The following LRP1B variants were observed in gnomAD, a reference collection of about 807,000 sequenced individuals.
The protein encoded by LRP1B is low-density lipoprotein receptor-related protein 1B.
A neutral mutation model predicts 556.6 loss-of-function variants in LRP1B; 217 were observed. That is an observed-to-expected ratio of 0.39 (90% CI 0.35 to 0.44). The LOEUF is 0.44. Ranked by LOEUF, LRP1B falls within the 20% of genes least tolerant of loss-of-function variation. LRP1B has a pLI of 1.00. For missense variants in LRP1B, 5,053 were observed against 5,620.8 expected, an observed-to-expected ratio of 0.90 and a Z score of 3.23; for synonymous variants, 2,047 against 1,865.8, an observed-to-expected ratio of 1.10 and a Z score of -2.50.
rs755371701 is a variant in LRP1B at position 141,049,144 on chromosome 2, A to T, written c.1631T>A (p.Ile544Lys). Reference sequence around the variant, plus strand: ...TATGGGGATCATGTATTCATCAGCTATCTTGGTATTCAAGTCCATTCCTCT... The same window carrying T: ...TATGGGGATCATGTATTCATCAGCTTTCTTGGTATTCAAGTCCATTCCTCT... ...IVRGMDLNTKIADEYMIPIEN... is the reference protein window; with the variant it reads ...IVRGMDLNTKKADEYMIPIEN... The change falls in exon 11 of 91, where the codon ATA (isoleucine) becomes AAA (lysine). Residue 544 changes from isoleucine (I) to lysine (K), a missense_variant. Ile to Lys is a moderately radical substitution (Grantham distance 102). Coordinates refer to ENST00000389484, the MANE Select transcript of LRP1B (RefSeq NM_018557.3). 1.2e-6 allele frequency: 2 copies of T among 1,613,502 alleles called. No individual in the cohort carries two copies. Among genetic ancestry groups the T allele is most frequent in the Non-Finnish European group, 1.7e-6 (2 of 1,179,736 alleles).
chr2:141,579,472 C>A (rs1281542284), intron 2 of LRP1B, among the ~76,000 whole-genome samples: 2 of 152,066 alleles, frequency 1.3e-5, no homozygotes, highest in Non-Finnish European at 2.9e-5. Flanking sequence ...CGGGGAGTGT[C>A]AAGATATTCC....
At chr2:141,915,769 A>C (rs567995744) in intron 1 of LRP1B, among the ~76,000 whole-genome samples, 2 of 152,324 alleles carry the variant, frequency 1.3e-5, no homozygotes, top group African/African-American at 4.8e-5. Context: ...AAAAGTGGGC[A>C]CAAGACATCA....
Position 140,598,717 on chromosome 2 carries a change from T to C in LRP1B, c.7108A>G (p.Ile2370Val), listed in dbSNP as rs906236954. Reference protein sequence around the residue: ...TDILTPNGLTIDYRAEKLYFS... With the variant: ...TDILTPNGLTVDYRAEKLYFS... ...TACAGCTTCTCTGCACGGTAGTCGA[T>C]AGTAAGTCCATTTGGAGTGAGTATG... is the stretch of plus-strand genomic sequence containing the variant. The change falls in exon 43 of 91, where the codon ATC becomes GTC. Residue 2370 changes from isoleucine (I) to valine (V), a missense_variant. Coordinates refer to ENST00000389484, the MANE Select transcript of LRP1B (RefSeq NM_018557.3). 1.9e-6 allele frequency: 3 copies of C among 1,613,716 alleles called. No individual in the cohort carries two copies. The highest frequency in any genetic ancestry group is 1.3e-5 in the African/African-American group (1 of 74,910).
intron 3 of LRP1B, among the ~76,000 whole-genome samples, chr2:141,347,918 T>A (rs1007417020): frequency 3.9e-5 from 6 of 152,070 alleles, no homozygotes; most frequent in Non-Finnish European, 7.4e-5. Context: ...GGAAATAATA[T>A]TTAAAATATG....
At chr2:141,098,597 T>G (rs536193548) in intron 7 of LRP1B, among the ~76,000 whole-genome samples, 3 of 152,336 alleles carry the variant, frequency 2.0e-5, no homozygotes, top group East Asian at 3.9e-4. Context: ...AGTTCAGTGG[T>G]CTATGATGAT....
rs184182583 is a variant in LRP1B, at chr2:141,616,071, C to A, written c.206-135538G>T. Among the ~76,000 whole-genome samples the A allele has an allele frequency of 7.9e-5, 12 of 152,204 alleles. No homozygotes were observed. In the East Asian group the frequency reaches 2.1e-3, roughly 27 times the overall value. On this transcript the variant is annotated intron_variant, in intron 2 of 90. Coordinates refer to ENST00000389484, the MANE Select transcript of LRP1B (RefSeq NM_018557.3). ...GGCCGAGATGGGCGGACCACGAGGT[C>A]AGGAGTTTGAGACCATCCTGGCCAA...
At chr2:141,047,047 A>ACTCCAGCCTGGGCGACAGAG (rs1553451699) in intron 11 of LRP1B, among the ~76,000 whole-genome samples, 89,288 of 140,650 alleles carry the variant, frequency 0.63, 29,957 homozygotes, top group Non-Finnish European at 0.69. Context: ...GCAGCACTGC[A>ACTCCAGCCTGGGCGACAGAG]CAAAAATTAA....
intron 2 of LRP1B, among the ~76,000 whole-genome samples, chr2:141,689,351 C>G (rs958075654): frequency 6.6e-6 from 1 of 151,756 alleles, no homozygotes; most frequent in Non-Finnish European, 1.5e-5. Flanking sequence ...CCTCAAAACA[C>G]TATCCTGTGT....
At position 140,602,562 on chromosome 2, in the gene LRP1B, C is replaced by T. The variant is rs1005300986; in HGVS notation, c.6800-923G>A. On this transcript the variant is annotated intron_variant, in intron 41 of 90. Coordinates refer to ENST00000389484, the MANE Select transcript of LRP1B (RefSeq NM_018557.3). ...TAACATTATTACAGACAGAGCATTT[C>T]CCCTGCTTTTCTCTCAAAGAATCCC... Among the ~76,000 whole-genome samples the T allele has an allele frequency of 7.9e-5, 12 of 152,060 alleles. 1 individual carries two copies. Among genetic ancestry groups the T allele is most frequent in the South Asian group, 2.1e-4 (1 of 4,822 alleles).
intron 4 of LRP1B, 112 bp from the exon 5 acceptor site, chr2:141,247,466 C>CTT (rs1558958313): frequency 8.1e-7 from 1 of 1,230,316 alleles, no homozygotes; most frequent in Non-Finnish European, 1.1e-6. Flanking sequence ...AAGGAAAAGC[C>CTT]AATTCCAATA....
chr2:140,667,117 T>G (rs993589263), intron 41 of LRP1B, among the ~76,000 whole-genome samples: 1 of 152,210 alleles, frequency 6.6e-6, no homozygotes, highest in African/African-American at 2.4e-5. Context: ...TGACCCTACG[T>G]AACATCTGCT....
At chr2:141,517,017 A>AC (rs1280115899) in intron 2 of LRP1B, among the ~76,000 whole-genome samples, 1,353 of 129,818 alleles carry the variant, frequency 0.01, 104 homozygotes, top group African/African-American at 0.036. Flanking sequence ...AAAAAAAAAA[A>AC]AAAAAAAAAA....
intron 77 of LRP1B, among the ~76,000 whole-genome samples, chr2:140,342,914 GAAGGAA>G (rs1681468678): frequency 2.0e-5 from 3 of 151,568 alleles, no homozygotes; most frequent in Non-Finnish European, 4.4e-5. Flanking sequence ...CAGAAACACT[GAAGGAA>G]AAGACAGTCA....
At chr2:141,869,445 A>C (rs1482391392) in intron 1 of LRP1B, among the ~76,000 whole-genome samples, 1 of 152,028 alleles carries the variant, frequency 6.6e-6, no homozygotes, top group Non-Finnish European at 1.5e-5. Context: ...ATTAACCAAA[A>C]TTATATTATT....
At chr2:141,567,484 G>A (rs530645820) in intron 2 of LRP1B, among the ~76,000 whole-genome samples, 2 of 152,022 alleles carry the variant, frequency 1.3e-5, no homozygotes, top group East Asian at 3.9e-4. Context: ...TTTTACGTAG[G>A]TTTCCTAATG....
chr2:140,697,888 G>A (rs554275106), intron 41 of LRP1B, among the ~76,000 whole-genome samples: 1 of 152,004 alleles, frequency 6.6e-6, no homozygotes, highest in Non-Finnish European at 1.5e-5. Flanking sequence ...TGTAATAAAA[G>A]CCACTGAATT....
intron 37 of LRP1B, among the ~76,000 whole-genome samples, chr2:140,706,762 T>C (rs1312485502): frequency 6.6e-6 from 1 of 152,112 alleles, no homozygotes. Context: ...ATTGTATTTG[T>C]CTTCTGACAA....
At chr2:142,128,183 T>C (rs1707723921) in intron 1 of LRP1B, among the ~76,000 whole-genome samples, 1 of 152,138 alleles carries the variant, frequency 6.6e-6, no homozygotes, top group African/African-American at 2.4e-5. Flanking sequence ...TTCTATTTAA[T>C]ACAATGTTTG....
intron 43 of LRP1B, among the ~76,000 whole-genome samples, chr2:140,596,777 C>G (rs540441): frequency 0.37 from 55,504 of 151,964 alleles, 10,288 homozygotes; most frequent in Admixed American, 0.39. Flanking sequence ...TAGGTGTTCC[C>G]GAACAAGTAC....
Sources: allele counts gnomAD v4.1 joint callset (sites outside exome capture counted in the v4.1 genomes callset), GRCh38; gene constraint gnomAD v4.1.1; transcripts MANE v1.5; gene names NCBI Gene and HGNC (gene_info 2026-07-23, HGNC 2026-07-21).